RYR2: variants seen among roughly 807,000 people sequenced by gnomAD.
The protein encoded by RYR2 is cardiac muscle ryanodine receptor-calcium release channel.
RYR2 carries 227 observed loss-of-function variants against 601.1 expected under a neutral mutation model. That is an observed-to-expected ratio of 0.38 (90% confidence interval 0.34 to 0.42). The LOEUF (loss-of-function observed/expected upper bound fraction) is 0.42, where lower values mean the gene tolerates loss of function less well. RYR2 is among the 10% of genes least tolerant of loss of function. The pLI is 1.00. For synonymous variants in RYR2, 2,223 were observed against 2,175.1 expected, an observed-to-expected ratio of 1.02 and a Z score of -0.61; for missense variants, 4,646 against 6,156.5, an observed-to-expected ratio of 0.75 and a Z score of 8.21.
At chr1:237,165,870 C>T (rs1676656329) in intron 1 of RYR2, among the ~76,000 whole-genome samples, 1 of 152,096 alleles carries the variant, frequency 6.6e-6, no homozygotes, top group South Asian at 2.1e-4. Context: ...GGCCTGGTGG[C>T]TCATGCCTGT....
chr1:237,282,979 TA>T (rs1225807994), intron 2 of RYR2, among the ~76,000 whole-genome samples: 1 of 152,158 alleles, frequency 6.6e-6, no homozygotes, highest in Non-Finnish European at 1.5e-5. Flanking sequence ...TGGATTGCAT[TA>T]TTTCACCTGT....
intron 1 of RYR2, among the ~76,000 whole-genome samples, chr1:237,049,275 G>A (rs1197802314): frequency 6.6e-6 from 1 of 152,186 alleles, no homozygotes; most frequent in Non-Finnish European, 1.5e-5. Flanking sequence ...TATTTCAAAT[G>A]AGCAGCTGTC....
chr1:237,105,280 C>T (rs1396483093), intron 1 of RYR2, among the ~76,000 whole-genome samples: 4 of 152,100 alleles, frequency 2.6e-5, no homozygotes, highest in African/African-American at 9.7e-5. Flanking sequence ...GTGGGGAAGA[C>T]CTGTTGAAAA....
chr1:237,384,340 T>C (rs1044341693), intron 8 of RYR2, among the ~76,000 whole-genome samples: 3 of 152,202 alleles, frequency 2.0e-5, no homozygotes, highest in Admixed American at 1.3e-4. Flanking sequence ...ATCAAGGTCG[T>C]TGGTTTGGCG....
chr1:237,044,855 T>G (rs1254999329), intron 1 of RYR2, among the ~76,000 whole-genome samples: 1 of 150,730 alleles, frequency 6.6e-6, no homozygotes, highest in African/African-American at 2.4e-5. Flanking sequence ...GGGGAGACTG[T>G]AGTATAGTTC....
chr1:237,743,491 G>A (rs1324913631), intron 80 of RYR2: 11 of 451,176 alleles, frequency 2.4e-5, no homozygotes, highest in African/African-American at 4.0e-5. Flanking sequence ...TGAGCTGTGA[G>A]CAGCAGATAA....
At chr1:237,160,078 G>A in intron 1 of RYR2, among the ~76,000 whole-genome samples, 1 of 152,168 alleles carries the variant, frequency 6.6e-6, no homozygotes, top group East Asian at 1.9e-4. Flanking sequence ...TGTGATTCCT[G>A]AAGTCTCTAA....
Position 237,594,886 on chromosome 1 carries a change from GTTTTTTTTTTTTTTTTT to G in RYR2, c.4437-583_4437-567del, listed in dbSNP as rs776702428. ...TGGCATTTGTGGTTAATATCACTGGGTTTTTTTTTTTTTTTTTTTTTTTTTTTTTTTTTTTTTTTTTT... is the reference window on the plus strand; with the variant it reads ...TGGCATTTGTGGTTAATATCACTGGGTTTTTTTTTTTTTTTTTTTTTTTTT... On this transcript the variant is annotated intron_variant, in intron 33 of 104. Transcript: ENST00000366574. Among the ~76,000 whole-genome samples the G allele has an allele frequency of 6.3e-3, 383 of 60,416 alleles. 16 individuals carry two copies. The highest frequency in any genetic ancestry group is 0.025 in the African/African-American group (263 of 10,480). 39.6% of individuals were successfully genotyped at this position (60,416 alleles called of 152,430 possible).
chr1:237,577,690 G>A (rs537857285), intron 29 of RYR2, among the ~76,000 whole-genome samples: 1 of 136,456 alleles, frequency 7.3e-6, no homozygotes, highest in African/African-American at 2.7e-5. Flanking sequence ...CAATAGGTTG[G>A]TAGATACTTA....
In RYR2 at chr1:237,590,386, T is replaced by A. The variant is rs149137022; in HGVS notation, c.3808-254T>A. Among the ~76,000 whole-genome samples the A allele has an allele frequency of 6.1e-3, 934 of 152,280 alleles. 7 individuals carry two copies. The highest frequency in any genetic ancestry group is 0.031 in the Middle Eastern group (9 of 294). The stretch of plus-strand genomic sequence containing the variant: ...ATGATGAAAAATACTTTCCTTTTTA[T>A]GTGTGGGCAATGTCAGGCTGAATCT... On this transcript the variant is annotated intron_variant, in intron 30 of 104. Transcript: ENST00000366574.
chr1:237,215,669 A>G (rs1381734872), intron 1 of RYR2, among the ~76,000 whole-genome samples: 3 of 152,178 alleles, frequency 2.0e-5, no homozygotes, highest in African/African-American at 7.2e-5. Flanking sequence ...TAAACTTAGG[A>G]ATTATATAGG....
intron 1 of RYR2, among the ~76,000 whole-genome samples, chr1:237,220,077 G>A (rs554235001): frequency 1.3e-5 from 2 of 152,320 alleles, no homozygotes; most frequent in African/African-American, 4.8e-5. Flanking sequence ...TTAGGTGTCA[G>A]CTTGACTGGA....
rs1176206897 is a variant in RYR2, at chr1:237,717,392, G to A, written c.10494+24G>A. On this transcript the variant is annotated intron_variant, in intron 72 of 104. Coordinates refer to ENST00000366574, the MANE Select transcript of RYR2 (RefSeq NM_001035.3). ...TGGTAAGTCTCCTTTTCATCCCAGCGGTAATGATCATCTGACCTCCAGACT... is the reference window on the plus strand; with the variant it reads ...TGGTAAGTCTCCTTTTCATCCCAGCAGTAATGATCATCTGACCTCCAGACT... 5.2e-6 allele frequency: 8 copies of A among 1,552,584 alleles called. No individual in the cohort carries two copies. The African/African-American group carries it at 5.5e-5, about 11-fold the overall frequency.
chr1:237,548,099 A>G (rs982832932), intron 25 of RYR2, among the ~76,000 whole-genome samples: 1 of 152,240 alleles, frequency 6.6e-6, no homozygotes, highest in African/African-American at 2.4e-5. Flanking sequence ...TATTTCAATA[A>G]ATAACCAATA....
At chr1:237,732,777 T>C (rs1406745818) in intron 78 of RYR2, among the ~76,000 whole-genome samples, 1 of 152,308 alleles carries the variant, frequency 6.6e-6, no homozygotes, top group South Asian at 2.1e-4. Context: ...AATGCATAAA[T>C]TGGCTGTGCA....
chr1:237,300,781 A>T (rs1220902887), intron 2 of RYR2, among the ~76,000 whole-genome samples: 1 of 152,162 alleles, frequency 6.6e-6, no homozygotes, highest in Non-Finnish European at 1.5e-5. Context: ...TTTTTTATAA[A>T]ATAAATACGT....
Position 237,482,947 on chromosome 1 carries a change from G to T in RYR2, c.1709-8859G>T, listed in dbSNP as rs191848815. Reference sequence around the variant, plus strand: ...TAGTTTTGATTTGCATTTCTCTGATGATCCTTCACTGCATTTTTGACTCAG... The same window carrying T: ...TAGTTTTGATTTGCATTTCTCTGATTATCCTTCACTGCATTTTTGACTCAG... On this transcript the variant is annotated intron_variant, in intron 17 of 104. Transcript: ENST00000366574. Among the ~76,000 whole-genome samples, 22 of 152,198 alleles carry T rather than the reference G, an allele frequency of 1.4e-4. No homozygotes were observed. In the East Asian group the frequency reaches 3.3e-3, roughly 23 times the overall value.
intron 58 of RYR2, among the ~76,000 whole-genome samples, chr1:237,672,042 G>C (rs977074621): frequency 2.0e-5 from 3 of 152,060 alleles, no homozygotes; most frequent in African/African-American, 4.8e-5. Flanking sequence ...ATTTCCTTCA[G>C]CACAAGATGT....
At chr1:237,098,937 T>C (rs13374188) in intron 1 of RYR2, among the ~76,000 whole-genome samples, 10,664 of 152,218 alleles carry the variant, frequency 0.07, 658 homozygotes, top group African/African-American at 0.17. Context: ...TCCCCTGGCA[T>C]GTCTCAGCTA....
Sources: allele counts gnomAD v4.1 joint callset (sites outside exome capture counted in the v4.1 genomes callset), GRCh38; gene constraint gnomAD v4.1.1; transcripts MANE v1.5; gene names NCBI Gene and HGNC (gene_info 2026-07-23, HGNC 2026-07-21).